PCSK6: variants seen among roughly 807,000 people sequenced by gnomAD.
PCSK6 encodes the protein paired basic amino acid cleaving enzyme 4.
PCSK6 carries 85 observed loss-of-function variants against 123.3 expected under a neutral mutation model. That is an observed-to-expected ratio of 0.69 (90% confidence interval 0.58 to 0.83). PCSK6 has a LOEUF of 0.83. Ranked by LOEUF, PCSK6 falls within the 40% of genes least tolerant of loss-of-function variation. The pLI, the probability that PCSK6 is intolerant of heterozygous loss-of-function variation, is 0.00. For synonymous variants in PCSK6, 508 were observed against 516.0 expected, an observed-to-expected ratio of 0.98 and a Z score of 0.21; for missense variants, 1,191 against 1,282.3, an observed-to-expected ratio of 0.93 and a Z score of 1.09.
In PCSK6 at chr15:101,304,886, A is replaced by G. The variant is rs1352106406; in HGVS notation, c.*372T>C. 5.3e-6 allele frequency: 1 copy of G among 188,504 alleles called. No homozygotes were observed. Among genetic ancestry groups the G allele is most frequent in the Non-Finnish European group, 1.1e-5 (1 of 90,518 alleles). The allele number at this position is 188,504 out of a possible 1,614,324, so 11.7% of individuals were successfully genotyped here. ...ATTTACTACACAGCCGCAGAAAAGCACGGGGAGAAGAGTGATGTGTGATGC... is the reference window on the plus strand; with the variant it reads ...ATTTACTACACAGCCGCAGAAAAGCGCGGGGAGAAGAGTGATGTGTGATGC... On this transcript the variant is annotated 3_prime_UTR_variant, in exon 22 of 22. Coordinates refer to ENST00000611716, the MANE Select transcript of PCSK6 (RefSeq NM_002570.5).
intron 16 of PCSK6, among the ~76,000 whole-genome samples, chr15:101,325,474 G>A (rs2040231300): frequency 6.6e-6 from 1 of 152,198 alleles, no homozygotes. Context: ...GACGCCACGA[G>A]AGCCACATGG....
intron 1 of PCSK6, among the ~76,000 whole-genome samples, chr15:101,474,762 C>A (rs1324040750): frequency 6.6e-6 from 1 of 152,202 alleles, no homozygotes; most frequent in Non-Finnish European, 1.5e-5. Flanking sequence ...GCACCCTACT[C>A]AGCTCCAGCT....
At chr15:101,343,885 C>T (rs188201214) in intron 13 of PCSK6, among the ~76,000 whole-genome samples, 24 of 152,180 alleles carry the variant, frequency 1.6e-4, no homozygotes, top group Non-Finnish European at 2.6e-4. Context: ...ATCAGGAGTT[C>T]GAGACCAGCC....
At chr15:101,347,172 A>G (rs923427728) in intron 13 of PCSK6, 36 of 1,231,830 alleles carry the variant, frequency 2.9e-5, no homozygotes, top group Non-Finnish European at 3.6e-5. Flanking sequence ...AAGCCGGCAC[A>G]GAAGGCATGT....
At chr15:101,399,663 G>A (rs1024382655) in intron 6 of PCSK6, among the ~76,000 whole-genome samples, 2 of 152,160 alleles carry the variant, frequency 1.3e-5, no homozygotes, top group Non-Finnish European at 2.9e-5. Context: ...AGAAAAACCT[G>A]GCATGAAACG....
At chr15:101,429,616 C>T (rs918322512) in intron 5 of PCSK6, among the ~76,000 whole-genome samples, 2 of 152,222 alleles carry the variant, frequency 1.3e-5, no homozygotes, top group African/African-American at 4.8e-5. Flanking sequence ...AGCTCAGGCA[C>T]GTGACCTGTG....
At chr15:101,453,502 G>T (rs1354218817) in intron 1 of PCSK6, among the ~76,000 whole-genome samples, 2 of 152,232 alleles carry the variant, frequency 1.3e-5, no homozygotes, top group African/African-American at 4.8e-5. Context: ...TCAGGGAGGA[G>T]GTGAGCCTGC....
chr15:101,458,712 T>C (rs1021455663), intron 1 of PCSK6, among the ~76,000 whole-genome samples: 23 of 152,212 alleles, frequency 1.5e-4, no homozygotes, highest in African/African-American at 5.5e-4. Flanking sequence ...TCTGCTCTGT[T>C]TCTCCCCAGC....
chr15:101,440,612 G>T (rs547740424), intron 2 of PCSK6, among the ~76,000 whole-genome samples: 1 of 152,186 alleles, frequency 6.6e-6, no homozygotes, highest in East Asian at 1.9e-4. Flanking sequence ...TTCATTTCCA[G>T]TTTGGTCATT....
intron 20 of PCSK6, among the ~76,000 whole-genome samples, chr15:101,311,620 G>A (rs1388510941): frequency 1.3e-5 from 2 of 151,612 alleles, no homozygotes; most frequent in East Asian, 3.8e-4. Context: ...GTGAAAGCAG[G>A]CTAACGCCTG....
chr15:101,368,307 C>T (rs780659139), intron 12 of PCSK6, among the ~76,000 whole-genome samples: 1 of 152,142 alleles, frequency 6.6e-6, no homozygotes, highest in Non-Finnish European at 1.5e-5. Context: ...GCTGGGGCAG[C>T]GGAAGGTTCT....
intron 6 of PCSK6, among the ~76,000 whole-genome samples, chr15:101,402,512 A>T (rs1035047193): frequency 6.6e-6 from 1 of 152,200 alleles, no homozygotes; most frequent in Non-Finnish European, 1.5e-5. Context: ...AATTTTCGCA[A>T]CCTACTCATC....
At chr15:101,387,357 G>A (rs1027473608) in intron 9 of PCSK6, among the ~76,000 whole-genome samples, 1 of 152,206 alleles carries the variant, frequency 6.6e-6, no homozygotes, top group Non-Finnish European at 1.5e-5. Flanking sequence ...GCAAGTTACT[G>A]CTGTGTGTCA....
intron 9 of PCSK6, among the ~76,000 whole-genome samples, chr15:101,388,053 C>T (rs1017496526): frequency 1.3e-5 from 2 of 152,168 alleles, no homozygotes; most frequent in African/African-American, 2.4e-5. Flanking sequence ...GGACAATGCG[C>T]CCCGGAGCAG....
intron 13 of PCSK6, among the ~76,000 whole-genome samples, chr15:101,335,251 G>A (rs955520020): frequency 1.3e-5 from 2 of 152,144 alleles, no homozygotes; most frequent in Non-Finnish European, 2.9e-5. Flanking sequence ...TGAGCCACGC[G>A]CCCAGCCTGT....
At chr15:101,405,655 GA>G (rs1242314010) in intron 6 of PCSK6, among the ~76,000 whole-genome samples, 3 of 151,302 alleles carry the variant, frequency 2.0e-5, no homozygotes, top group African/African-American at 4.9e-5. Context: ...TTGATGAAAT[GA>G]ATGATTTTAC....
chr15:101,374,894 TTCA>T (rs1297049794), intron 11 of PCSK6, among the ~76,000 whole-genome samples: 1 of 152,172 alleles, frequency 6.6e-6, no homozygotes, highest in East Asian at 1.9e-4. Flanking sequence ...AGCTGCTTCA[TTCA>T]TCTGTGGGCT....
intron 7 of PCSK6, among the ~76,000 whole-genome samples, chr15:101,394,847 G>A (rs140301815): frequency 5.7e-4 from 87 of 152,314 alleles, no homozygotes; most frequent in African/African-American, 1.4e-3. Context: ...TGGAGCTCAC[G>A]CAGCCCCGCT....
At chr15:101,415,514 C>T (rs1994968) in intron 6 of PCSK6, among the ~76,000 whole-genome samples, 23,570 of 152,262 alleles carry the variant, frequency 0.15, 2,095 homozygotes, top group Non-Finnish European at 0.2. Flanking sequence ...GTGAGTCAAA[C>T]AAAACATGTC....
Sources: allele counts gnomAD v4.1 joint callset (sites outside exome capture counted in the v4.1 genomes callset), GRCh38; gene constraint gnomAD v4.1.1; transcripts MANE v1.5; gene names NCBI Gene and HGNC (gene_info 2026-07-23, HGNC 2026-07-21).